BEND4: variants seen among roughly 807,000 people sequenced by gnomAD.
BEND4 encodes BEN domain containing 4.
A neutral mutation model predicts 54.7 loss-of-function variants in BEND4; 27 were observed. That is an observed-to-expected ratio of 0.49 (90% CI 0.36 to 0.68). The LOEUF is 0.68. Ranked by LOEUF, BEND4 falls within the 30% of genes least tolerant of loss-of-function variation. The pLI is 0.00. For synonymous variants in BEND4, 327 were observed against 299.5 expected, an observed-to-expected ratio of 1.09 and a Z score of -0.95; for missense variants, 702 against 697.2, an observed-to-expected ratio of 1.01 and a Z score of -0.08.
chr4:42,142,534 G>A (rs1243348635), intron 3 of BEND4, among the ~76,000 whole-genome samples: 1 of 150,952 alleles, frequency 6.6e-6, no homozygotes, highest in African/African-American at 2.4e-5. Flanking sequence ...TCGGGAGGCT[G>A]AGGCACAAGA....
intron 3 of BEND4, among the ~76,000 whole-genome samples, chr4:42,135,281 C>A (rs762882318): frequency 2.0e-5 from 3 of 152,168 alleles, no homozygotes; most frequent in Admixed American, 6.5e-5. Context: ...AGGTCCCCTA[C>A]CTGGCCAACT....
At chr4:42,123,700 A>AAAAACAAAAAAAAC (rs1398004787) in intron 4 of BEND4, among the ~76,000 whole-genome samples, 5 of 128,304 alleles carry the variant, frequency 3.9e-5, no homozygotes, top group African/African-American at 6.7e-5. Context: ...TTCAGAAAAA[A>AAAAACAAAAAAAAC]AAAAAAAAAA....
intron 3 of BEND4, among the ~76,000 whole-genome samples, chr4:42,139,450 T>TC (rs1720810435): frequency 6.6e-6 from 1 of 151,920 alleles, no homozygotes; most frequent in East Asian, 1.9e-4. Context: ...GCCCACAACT[T>TC]CTTTTTTTTT....
At position 42,146,120 on chromosome 4, in the gene BEND4, T is replaced by C. The variant is rs560289079; in HGVS notation, c.488-2126A>G. Among the ~76,000 whole-genome samples the C allele has an allele frequency of 3.3e-5, 5 of 152,270 alleles. 1 individual carries two copies. The South Asian group carries it at 1.0e-3, about 32-fold the overall frequency. On this transcript the variant is annotated intron_variant, in intron 2 of 5. Coordinates refer to ENST00000502486, the MANE Select transcript of BEND4 (RefSeq NM_207406.4). The stretch of plus-strand genomic sequence containing the variant: ...GACCCTCCTTCTCCAGCCAATCCTG[T>C]CCACATGGCCAAGTACCCCAAGATC...
chr4:42,144,342 C>A (rs776113191), intron 2 of BEND4, among the ~76,000 whole-genome samples: 2 of 152,132 alleles, frequency 1.3e-5, no homozygotes, highest in Non-Finnish European at 2.9e-5. Context: ...AGGAATCGAG[C>A]CAGCCACTGC....
chr4:42,117,826 C>T (rs1437969476), intron 5 of BEND4, 91 bp from the exon 6 acceptor site: 8 of 808,972 alleles, frequency 9.9e-6, no homozygotes, highest in Admixed American at 2.9e-5. Flanking sequence ...TAAACTTTAA[C>T]AGAAGCTCTA....
intron 3 of BEND4, among the ~76,000 whole-genome samples, chr4:42,140,468 C>A (rs1252582560): frequency 1.3e-5 from 2 of 152,204 alleles, no homozygotes; most frequent in African/African-American, 4.8e-5. Context: ...GGATTGTCAA[C>A]AGGGTTGAAT....
At chr4:42,127,468 C>A (rs7677167) in intron 3 of BEND4, among the ~76,000 whole-genome samples, 11,992 of 152,188 alleles carry the variant, frequency 0.079, 672 homozygotes, top group African/African-American at 0.15. Flanking sequence ...CTTAAAAGTC[C>A]AACCCTTTTT....
intron 4 of BEND4, among the ~76,000 whole-genome samples, chr4:42,121,756 T>C (rs1479848954): frequency 6.6e-6 from 1 of 152,124 alleles, no homozygotes; most frequent in Admixed American, 6.5e-5. Flanking sequence ...ATCAAGTCTG[T>C]GCAGGACAGA....
At chr4:42,151,501 A>T in intron 2 of BEND4, 156 bp downstream of exon 2, 1 of 713,222 alleles carries the variant, frequency 1.4e-6, no homozygotes, top group South Asian at 3.6e-5. Context: ...AATCCTCTCG[A>T]AGTTTCCGGG....
At position 42,113,563 on chromosome 4, in the gene BEND4, G is replaced by A. The variant is rs1719661812; in HGVS notation, c.*3955C>T. On this transcript the variant is annotated 3_prime_UTR_variant, in exon 6 of 6. Coordinates refer to ENST00000502486, the MANE Select transcript of BEND4 (RefSeq NM_207406.4). ...ATAAACCTACAGATTCGAAGTCTGG[G>A]TTATTGCCTAATTTGGGGTAAACAT... 1.3e-5 allele frequency: 2 copies of A among 152,134 alleles called. No individual in the cohort carries two copies. Among genetic ancestry groups the A allele is most frequent in the Non-Finnish European group, 2.9e-5 (2 of 68,024 alleles). 9.4% of individuals were successfully genotyped at this position (152,134 alleles called of 1,614,324 possible).
intron 3 of BEND4, among the ~76,000 whole-genome samples, chr4:42,139,075 T>G (rs1056845603): frequency 6.6e-6 from 1 of 152,218 alleles, no homozygotes; most frequent in South Asian, 2.1e-4. Context: ...CTCTGTCCAA[T>G]GAGAAGTTCT....
At position 42,131,598 on chromosome 4, in the gene BEND4, A is replaced by C. The variant is rs1012573390; in HGVS notation, c.1055-5924T>G. On this transcript the variant is annotated intron_variant, in intron 3 of 5. Coordinates refer to ENST00000502486, the MANE Select transcript of BEND4 (RefSeq NM_207406.4). ...GCTGGCTCTTTCTTTCTTTCCATGC[A>C]CAACATTTAGGCAGCAGTGCTAAGC... is the stretch of plus-strand genomic sequence containing the variant. 3.9e-5 allele frequency among the ~76,000 whole-genome samples: 6 copies of C among 152,198 alleles called. No individual in the cohort carries two copies. The East Asian group carries it at 7.7e-4, about 20-fold the overall frequency.
chr4:42,133,229 A>G (rs533612004), intron 3 of BEND4, among the ~76,000 whole-genome samples: 1 of 152,358 alleles, frequency 6.6e-6, no homozygotes, highest in South Asian at 2.1e-4. Context: ...CTGTCTAAGC[A>G]GCAATAGACA....
In BEND4 at chr4:42,117,472, G is replaced by A. The variant is rs1193369748; in HGVS notation, c.*46C>T. Reference sequence around the variant, plus strand: ...TGACAGGAACAGGACATTCACAATTGGAACTCTTGAGAGGACCAGCTGCTA... The same window carrying A: ...TGACAGGAACAGGACATTCACAATTAGAACTCTTGAGAGGACCAGCTGCTA... On this transcript the variant is annotated 3_prime_UTR_variant, in exon 6 of 6. Coordinates refer to ENST00000502486, the MANE Select transcript of BEND4 (RefSeq NM_207406.4). The A allele has an allele frequency of 7.3e-7, 1 of 1,370,862 alleles. No homozygotes were observed. The allele number at this position is 1,370,862 out of a possible 1,614,324, so 84.9% of individuals were successfully genotyped here. A position where few individuals can be genotyped will look rare whatever the true frequency, so the allele number is the denominator to read the frequency against.
chr4:42,137,224 A>T lies in BEND4; in HGVS notation c.1054+6204T>A, dbSNP rs185897133. ...AGTTATGAGGATAAAATGAGATAAT[A>T]AAAAAATGCACTTTTTATAAAGTAG... On this transcript the variant is annotated intron_variant, in intron 3 of 5. Transcript: ENST00000502486. Among the ~76,000 whole-genome samples, 302 of 152,166 alleles carry T rather than the reference A, an allele frequency of 2.0e-3. 2 individuals carry two copies. The highest frequency in any genetic ancestry group is 3.4e-4 in the Non-Finnish European group (23 of 67,958).
intron 3 of BEND4, among the ~76,000 whole-genome samples, chr4:42,138,589 GAAC>G (rs771158429): frequency 7.2e-5 from 11 of 152,312 alleles, no homozygotes; most frequent in African/African-American, 1.4e-4. Context: ...CTTGCTACAA[GAAC>G]AACAACAGAA....
chr4:42,145,848 T>C (rs1265849091), intron 2 of BEND4, among the ~76,000 whole-genome samples: 1 of 152,150 alleles, frequency 6.6e-6, no homozygotes, highest in Non-Finnish European at 1.5e-5. Context: ...GATCATAAAC[T>C]GCACTGGAGT....
intron 2 of BEND4, among the ~76,000 whole-genome samples, chr4:42,149,551 C>G (rs1223186047): frequency 6.6e-6 from 1 of 152,076 alleles, no homozygotes; most frequent in Non-Finnish European, 1.5e-5. Context: ...ACAAAAGCAA[C>G]CGTGAGAATA....
Sources: allele counts gnomAD v4.1 joint callset (sites outside exome capture counted in the v4.1 genomes callset), GRCh38; gene constraint gnomAD v4.1.1; transcripts MANE v1.5; gene names NCBI Gene and HGNC (gene_info 2026-07-23, HGNC 2026-07-21).